The following TET1 variants were observed in gnomAD, a reference collection of about 807,000 sequenced individuals.
TET1 encodes methylcytosine dioxygenase TET1.
TET1 carries 13 observed loss-of-function variants against 148.7 expected under a neutral mutation model. The observed-to-expected ratio is 0.09, with a 90% CI of 0.06 to 0.14. TET1 has a LOEUF of 0.14. Among genes scored for constraint, TET1 ranks in the 10% least tolerant of loss-of-function variants. The pLI, the probability that TET1 is intolerant of heterozygous loss-of-function variation, is 1.00. For missense variants in TET1, 2,182 were observed against 2,553.8 expected (o/e 0.85, Z 3.14); for synonymous variants, 907 against 937.2 (o/e 0.97, Z 0.59).
intron 10 of TET1, among the ~76,000 whole-genome samples, chr10:68,683,307 C>T (rs2055462051): frequency 6.6e-6 from 1 of 152,184 alleles, no homozygotes; most frequent in East Asian, 1.9e-4. Flanking sequence ...GAGACGGAGT[C>T]TCACTCTGTC....
At chr10:68,665,100 G>A (rs2055179327) in intron 6 of TET1, among the ~76,000 whole-genome samples, 1 of 152,056 alleles carries the variant, frequency 6.6e-6, no homozygotes, top group African/African-American at 2.4e-5. Flanking sequence ...AGCAGATTTG[G>A]TGTAAGCCAT....
chr10:68,654,564 C>T (rs934557686), intron 6 of TET1, among the ~76,000 whole-genome samples: 5 of 152,130 alleles, frequency 3.3e-5, no homozygotes, highest in African/African-American at 9.7e-5. Context: ...TTGCAGTGGG[C>T]CTAGATCGTG....
intron 1 of TET1, among the ~76,000 whole-genome samples, chr10:68,568,854 A>AAAAAAG (rs979879993): frequency 1.4e-4 from 21 of 152,266 alleles, no homozygotes; most frequent in African/African-American, 4.8e-4. Flanking sequence ...CTGTCTCAAA[A>AAAAAAG]AAAAAGAAAA....
intron 2 of TET1, among the ~76,000 whole-genome samples, chr10:68,587,465 A>G (rs1013359999): frequency 2.0e-5 from 3 of 152,224 alleles, no homozygotes; most frequent in African/African-American, 4.8e-5. Flanking sequence ...TCTACTGGGC[A>G]ACACAGAAGT....
intron 6 of TET1, among the ~76,000 whole-genome samples, chr10:68,655,263 T>C (rs2055005038): frequency 6.6e-6 from 1 of 152,248 alleles, no homozygotes; most frequent in African/African-American, 2.4e-5. Context: ...AATAATTTTC[T>C]TGCTTTCCAC....
intron 2 of TET1, among the ~76,000 whole-genome samples, chr10:68,576,170 G>A (rs1300336453): frequency 6.6e-6 from 1 of 151,990 alleles, no homozygotes; most frequent in Non-Finnish European, 1.5e-5. Context: ...GGCCAACCTG[G>A]CAAAACCCCA....
At chr10:68,585,914 A>G (rs2053855881) in intron 2 of TET1, among the ~76,000 whole-genome samples, 1 of 151,524 alleles carries the variant, frequency 6.6e-6, no homozygotes, top group South Asian at 2.1e-4. Context: ...AGGCTGAGGC[A>G]GGAGAATTGC....
At chr10:68,631,515 C>T (rs1032447622) in intron 3 of TET1, among the ~76,000 whole-genome samples, 7 of 149,358 alleles carry the variant, frequency 4.7e-5, no homozygotes, top group Non-Finnish European at 1.5e-5. Flanking sequence ...TCTCCTTATC[C>T]GCCCACTTCA....
chr10:68,684,497 A>T (rs965331605), intron 10 of TET1, among the ~76,000 whole-genome samples: 1 of 152,096 alleles, frequency 6.6e-6, no homozygotes, highest in East Asian at 1.9e-4. Context: ...CTAGCCAGGC[A>T]GTGGTTCATC....
At position 68,669,098 on chromosome 10, in the gene TET1, A is replaced by C. The variant is rs371859074; in HGVS notation, c.4673+1842A>C. On this transcript the variant is annotated intron_variant, in intron 7 of 11. Transcript: ENST00000373644. ...ACCTATCCCTACACAAAATTTTTAA[A>C]ACCAGGCATAGTGGTGTGTGCCTGT... Among the ~76,000 whole-genome samples the C allele has an allele frequency of 6.6e-5, 10 of 152,222 alleles. No homozygotes were observed. In the East Asian group the frequency reaches 1.7e-3, roughly 27 times the overall value.
chr10:68,652,209 T>C (rs2054946571), intron 5 of TET1, among the ~76,000 whole-genome samples: 1 of 152,142 alleles, frequency 6.6e-6, no homozygotes, highest in African/African-American at 2.4e-5. Context: ...ATGGTAGAAA[T>C]AGGTCAAATT....
intron 1 of TET1, among the ~76,000 whole-genome samples, chr10:68,569,673 T>C (rs2053645615): frequency 6.6e-6 from 1 of 152,082 alleles, no homozygotes; most frequent in Admixed American, 6.6e-5. Flanking sequence ...ATCTCCGCAC[T>C]TGGGGAGGCG....
intron 2 of TET1, among the ~76,000 whole-genome samples, chr10:68,595,941 TATATATATATATATATATATACACAC>T (rs1284197921): frequency 0.023 from 866 of 38,106 alleles, 16 homozygotes; most frequent in African/African-American, 0.06. Context: ...TATATATATA[TATATATATATATATATATATACACAC>T]ACACACACAC....
At chr10:68,590,839 T>C (rs2053910609) in intron 2 of TET1, among the ~76,000 whole-genome samples, 3 of 151,928 alleles carry the variant, frequency 2.0e-5, no homozygotes, top group South Asian at 2.1e-4. Flanking sequence ...TATTTTCTTT[T>C]TTTTTTCTTT....
intron 3 of TET1, among the ~76,000 whole-genome samples, chr10:68,612,490 T>C (rs2054231353): frequency 6.6e-6 from 1 of 152,132 alleles, no homozygotes. Context: ...TCCCCGGAGT[T>C]TGAGACCAGC....
chr10:68,585,754 T>G (rs1196583564), intron 2 of TET1, among the ~76,000 whole-genome samples: 4 of 151,916 alleles, frequency 2.6e-5, no homozygotes, highest in Admixed American at 2.6e-4. Flanking sequence ...CGCACACCTG[T>G]AATCTCAGCA....
At chr10:68,584,410 G>GA (rs968272624) in intron 2 of TET1, among the ~76,000 whole-genome samples, 38 of 146,462 alleles carry the variant, frequency 2.6e-4, no homozygotes, top group African/African-American at 6.5e-4. Flanking sequence ...TCTGTTAAAA[G>GA]AAAAAAAAAG....
chr10:68,660,343 C>CTT (rs35395692), intron 6 of TET1, among the ~76,000 whole-genome samples: 6,476 of 138,280 alleles, frequency 0.047, 489 homozygotes, highest in African/African-American at 0.16. Context: ...TCTTCTTCTT[C>CTT]TTTTTTTTTT....
chr10:68,685,926 G>A (rs899481110), intron 10 of TET1, among the ~76,000 whole-genome samples: 11 of 152,072 alleles, frequency 7.2e-5, no homozygotes, highest in African/African-American at 2.4e-4. Flanking sequence ...TGCTATCCAA[G>A]GAATGTGACA....
Sources: allele counts gnomAD v4.1 joint callset (sites outside exome capture counted in the v4.1 genomes callset), GRCh38; gene constraint gnomAD v4.1.1; transcripts MANE v1.5; gene names NCBI Gene and HGNC (gene_info 2026-07-23, HGNC 2026-07-21).